The following OPCML variants were observed in gnomAD, a reference collection of about 807,000 sequenced individuals.
OPCML encodes the protein opioid binding protein/cell adhesion molecule like.
OPCML carries 13 observed loss-of-function variants against 37.8 expected under a neutral mutation model. The ratio of observed to expected loss-of-function variants is 0.34; its 90% CI spans 0.22 to 0.55. The LOEUF is 0.55. Ranked by LOEUF, OPCML falls within the 20% of genes least tolerant of loss-of-function variation. The probability of loss-of-function intolerance (pLI) is 0.91; values close to 1 mark genes in which losing one functional copy is unlikely to be tolerated. For synonymous variants in OPCML, 176 were observed against 168.8 expected (o/e 1.04, Z -0.33); for missense variants, 341 against 435.6 (o/e 0.78, Z 1.93).
chr11:132,564,229 C>T (rs1300922269), intron 3 of OPCML, among the ~76,000 whole-genome samples: 2 of 152,230 alleles, frequency 1.3e-5, no homozygotes, highest in Non-Finnish European at 2.9e-5. Flanking sequence ...AGCCAAGATA[C>T]TCTCCCTCTA....
intron 1 of OPCML, among the ~76,000 whole-genome samples, chr11:133,292,944 A>C (rs902854178): frequency 6.6e-6 from 1 of 152,074 alleles, no homozygotes; most frequent in African/African-American, 2.4e-5. Flanking sequence ...TGCTTTTGAG[A>C]GGGCAGAAGG....
At chr11:133,333,101 C>A in intron 1 of OPCML, among the ~76,000 whole-genome samples, 1 of 152,046 alleles carries the variant, frequency 6.6e-6, no homozygotes, top group South Asian at 2.1e-4. Context: ...TTTTGTTACC[C>A]GGGTTGGAGT....
intron 1 of OPCML, among the ~76,000 whole-genome samples, chr11:133,270,367 G>GA (rs368741711): frequency 2.2e-4 from 33 of 147,046 alleles, no homozygotes; most frequent in African/African-American, 4.0e-4. Context: ...TTGGGACAAA[G>GA]AAAAAAAAAA....
chr11:133,523,228 G>A (rs1018617011), intron 1 of OPCML, among the ~76,000 whole-genome samples: 6 of 152,070 alleles, frequency 3.9e-5, no homozygotes, highest in African/African-American at 1.4e-4. Context: ...AAGAAGTATG[G>A]GATTTCTAAA....
chr11:132,978,249 G>A (rs532495152), intron 1 of OPCML, among the ~76,000 whole-genome samples: 1 of 152,282 alleles, frequency 6.6e-6, no homozygotes, highest in East Asian at 1.9e-4. Context: ...CCAAGCTTGG[G>A]AAGCCTTTAA....
At chr11:132,915,086 T>A (rs1944560772) in intron 2 of OPCML, among the ~76,000 whole-genome samples, 1 of 152,368 alleles carries the variant, frequency 6.6e-6, no homozygotes, top group Admixed American at 6.5e-5. Flanking sequence ...TCAACATCTA[T>A]GACCTTCTAG....
intron 1 of OPCML, among the ~76,000 whole-genome samples, chr11:133,509,861 T>C (rs1033462732): frequency 2.0e-5 from 3 of 152,210 alleles, no homozygotes; most frequent in Non-Finnish European, 1.5e-5. Context: ...CATTGATTAC[T>C]CTTCCTTTGT....
rs1315629758 is a variant in OPCML, at chr11:132,415,774, C to A, written c.*4419G>T. The A allele has an allele frequency of 6.6e-6, 1 of 152,602 alleles. No individual in the cohort carries two copies. Among genetic ancestry groups the A allele is most frequent in the Non-Finnish European group, 1.5e-5 (1 of 68,034 alleles). 9.5% of individuals were successfully genotyped at this position (152,602 alleles called of 1,614,324 possible). On this transcript the variant is annotated 3_prime_UTR_variant, in exon 8 of 8. Coordinates refer to ENST00000524381, the MANE Select transcript of OPCML (RefSeq NM_001012393.5). ...AAGGCTAAATTGAACTGGCTCAGCC[C>A]TATCTTTTTTGCCACATCTTTAATT...
chr11:133,008,831 G>T, intron 1 of OPCML: 1 of 939,120 alleles, frequency 1.1e-6, no homozygotes, highest in Non-Finnish European at 1.3e-6. Flanking sequence ...TGCACTTTCT[G>T]AACAAAAGTC....
intron 4 of OPCML, among the ~76,000 whole-genome samples, chr11:132,498,040 A>G (rs1437397223): frequency 1.3e-5 from 2 of 152,230 alleles, no homozygotes; most frequent in Admixed American, 1.3e-4. Context: ...ACGATAAATT[A>G]TTTAGAAAAC....
chr11:132,512,535 C>T (rs2096270992), intron 4 of OPCML, among the ~76,000 whole-genome samples: 1 of 151,918 alleles, frequency 6.6e-6, no homozygotes, highest in Non-Finnish European at 1.5e-5. Context: ...AAAAAAACCA[C>T]ACACAACATG....
At chr11:133,422,312 T>A in intron 1 of OPCML, 1 of 983,506 alleles carries the variant, frequency 1.0e-6, no homozygotes. Context: ...AAGAATTCCA[T>A]AATTCTTTTT....
At chr11:132,654,844 C>T (rs1048731080) in intron 3 of OPCML, among the ~76,000 whole-genome samples, 1 of 152,064 alleles carries the variant, frequency 6.6e-6, no homozygotes, top group African/African-American at 2.4e-5. Flanking sequence ...CTCCCACCCC[C>T]ACCCATCCTG....
intron 1 of OPCML, among the ~76,000 whole-genome samples, chr11:133,207,106 T>G (rs962950002): frequency 8.2e-5 from 10 of 121,888 alleles, no homozygotes; most frequent in East Asian, 2.3e-4. Flanking sequence ...GCTAACACGG[T>G]GAAACCCTCT....
intron 1 of OPCML, among the ~76,000 whole-genome samples, chr11:133,358,963 G>A (rs1944354363): frequency 6.6e-6 from 1 of 152,052 alleles, no homozygotes; most frequent in Admixed American, 6.5e-5. Flanking sequence ...TAGGTGGGGG[G>A]ACCAGGGGTG....
intron 1 of OPCML, among the ~76,000 whole-genome samples, chr11:133,409,467 C>T (rs985889682): frequency 3.3e-5 from 5 of 152,206 alleles, no homozygotes; most frequent in Admixed American, 6.5e-5. Flanking sequence ...CATCTAGTCT[C>T]CCAGTGGGAA....
At chr11:133,521,301 G>T (rs1274180236) in intron 1 of OPCML, among the ~76,000 whole-genome samples, 1 of 152,216 alleles carries the variant, frequency 6.6e-6, no homozygotes, top group Non-Finnish European at 1.5e-5. Flanking sequence ...GTGAGGCAAA[G>T]TCAGAGGCAA....
At chr11:133,383,816 A>C (rs923734422) in intron 1 of OPCML, among the ~76,000 whole-genome samples, 4 of 152,150 alleles carry the variant, frequency 2.6e-5, no homozygotes, top group African/African-American at 9.7e-5. Flanking sequence ...AGACTGTGTA[A>C]TGTTTCTAGT....
chr11:132,482,568 T>G (rs1286090243), intron 4 of OPCML, among the ~76,000 whole-genome samples: 2 of 152,236 alleles, frequency 1.3e-5, no homozygotes, highest in East Asian at 1.9e-4. Context: ...TAACTCATTT[T>G]ATGAGTCCAG....
Sources: gnomAD v4.1 joint callset for allele counts (sites outside exome capture counted in the v4.1 genomes callset) on GRCh38, gnomAD v4.1.1 for gene constraint, MANE v1.5 for transcripts, NCBI Gene and HGNC (gene_info 2026-07-23, HGNC 2026-07-21) for gene names.